Variants in ATXN7L1 observed in about 807,000 individuals in gnomAD.
The protein encoded by ATXN7L1 is ataxin-7-like protein 1.
ATXN7L1 carries 15 observed loss-of-function variants against 70.8 expected under a neutral mutation model. The observed-to-expected ratio is 0.21, with a 90% CI of 0.14 to 0.33. The LOEUF (loss-of-function observed/expected upper bound fraction) is 0.33, where lower values mean the gene tolerates loss of function less well. ATXN7L1 is among the 10% of genes least tolerant of loss of function. The pLI, the probability that ATXN7L1 is intolerant of heterozygous loss-of-function variation, is 1.00. For synonymous variants in ATXN7L1, 440 were observed against 445.1 expected (o/e 0.99, Z 0.14); for missense variants, 975 against 1,097.1 (o/e 0.89, Z 1.57).
intron 3 of ATXN7L1, among the ~76,000 whole-genome samples, chr7:105,727,887 C>G (rs1279086096): frequency 1.3e-5 from 2 of 149,508 alleles, no homozygotes; most frequent in East Asian, 3.9e-4. Flanking sequence ...AATGTTTGGA[C>G]AGACACATCC....
chr7:105,805,852 TG>T (rs1027109619), intron 2 of ATXN7L1, among the ~76,000 whole-genome samples: 10 of 151,816 alleles, frequency 6.6e-5, no homozygotes, highest in South Asian at 2.1e-4. Context: ...ATGAGGATGC[TG>T]GGGGGAAGGG....
intron 2 of ATXN7L1, among the ~76,000 whole-genome samples, chr7:105,854,655 G>A (rs78235447): frequency 0.027 from 4,174 of 152,062 alleles, 195 homozygotes; most frequent in African/African-American, 0.093. Context: ...TCTTAGTGAG[G>A]CTCCCCCTCC....
chr7:105,616,803 A>AG (rs1252350510), intron 9 of ATXN7L1, among the ~76,000 whole-genome samples: 1 of 152,180 alleles, frequency 6.6e-6, no homozygotes, highest in Non-Finnish European at 1.5e-5. Flanking sequence ...CATTTCTTAG[A>AG]GGGGGAGGAA....
In ATXN7L1 at chr7:105,607,273, C is replaced by T. The variant is rs1224979883; in HGVS notation, c.*579G>A. 6.5e-6 allele frequency: 1 copy of T among 153,152 alleles called. No homozygotes were observed. The highest frequency in any genetic ancestry group is 1.5e-5 in the Non-Finnish European group (1 of 68,820). The allele number at this position is 153,152 out of a possible 1,614,324, so 9.5% of individuals were successfully genotyped here. On this transcript the variant is annotated 3_prime_UTR_variant, in exon 12 of 12. Coordinates refer to ENST00000419735, the MANE Select transcript of ATXN7L1 (RefSeq NM_020725.2). ...GCTGTGGAAACTGGATGAGGGAACC[C>T]CACCCACCCTCCAACTCTCCACTCC...
Position 105,607,489 on chromosome 7 carries a change from C to T in ATXN7L1, c.*363G>A, listed in dbSNP as rs1304070732. The T allele has an allele frequency of 7.8e-6, 2 of 255,894 alleles. No individual in the cohort carries two copies. The highest frequency in any genetic ancestry group is 7.5e-6 in the Non-Finnish European group (1 of 132,788). The allele number at this position is 255,894 out of a possible 1,614,324, so 15.9% of individuals were successfully genotyped here. A position where few individuals can be genotyped will look rare whatever the true frequency, so the allele number is the denominator to read the frequency against. ...GTTCAAGAGCTTCAGAGCATGCCAA[C>T]CTGGAACCAACATTCTGCAATGTCT... On this transcript the variant is annotated 3_prime_UTR_variant, in exon 12 of 12. Coordinates refer to ENST00000419735, the MANE Select transcript of ATXN7L1 (RefSeq NM_020725.2).
intron 3 of ATXN7L1, among the ~76,000 whole-genome samples, chr7:105,671,281 C>CAAA (rs34689804): frequency 3.1e-5 from 4 of 129,890 alleles, no homozygotes; most frequent in African/African-American, 5.7e-5. Flanking sequence ...GACTCCGTCT[C>CAAA]AAAAAAAAAA....
chr7:105,771,394 T>C (rs897758518), intron 3 of ATXN7L1, among the ~76,000 whole-genome samples: 3 of 152,040 alleles, frequency 2.0e-5, no homozygotes, highest in Non-Finnish European at 4.4e-5. Context: ...TTATGACAAA[T>C]GACAAATCTG....
At chr7:105,628,480 C>T (rs572353843) in intron 7 of ATXN7L1, among the ~76,000 whole-genome samples, 2 of 151,994 alleles carry the variant, frequency 1.3e-5, no homozygotes, top group Non-Finnish European at 2.9e-5. Flanking sequence ...TAACATCTTA[C>T]ACTTATAATA....
chr7:105,746,191 G>C (rs945685870), intron 3 of ATXN7L1, among the ~76,000 whole-genome samples: 3 of 152,160 alleles, frequency 2.0e-5, no homozygotes, highest in South Asian at 4.1e-4. Context: ...TGCTCGGCTG[G>C]ACTTTTACAA....
intron 2 of ATXN7L1, among the ~76,000 whole-genome samples, chr7:105,842,270 G>A (rs1428210070): frequency 2.0e-5 from 3 of 151,420 alleles, no homozygotes; most frequent in Admixed American, 6.6e-5. Context: ...ACATTGCAAA[G>A]TGTACAATTC....
intron 2 of ATXN7L1, among the ~76,000 whole-genome samples, chr7:105,846,153 A>G (rs946961611): frequency 1.3e-5 from 2 of 152,188 alleles, no homozygotes; most frequent in Admixed American, 1.3e-4. Context: ...ATCTGATAAG[A>G]AATATATAAT....
intron 2 of ATXN7L1, among the ~76,000 whole-genome samples, chr7:105,795,713 T>C (rs1805889644): frequency 6.6e-6 from 1 of 152,172 alleles, no homozygotes; most frequent in South Asian, 2.1e-4. Context: ...TCGGACAGCC[T>C]ATTGGCAATC....
chr7:105,797,904 A>G (rs1392186659), intron 2 of ATXN7L1, among the ~76,000 whole-genome samples: 2 of 152,244 alleles, frequency 1.3e-5, no homozygotes, highest in African/African-American at 2.4e-5. Context: ...CTATCTCCAT[A>G]GTCAAACAGT....
At chr7:105,647,365 C>T (rs561793475) in intron 4 of ATXN7L1, among the ~76,000 whole-genome samples, 62 of 152,242 alleles carry the variant, frequency 4.1e-4, no homozygotes, top group African/African-American at 1.3e-3. Context: ...TTTAAAAAAC[C>T]GGCTGGGTAC....
intron 3 of ATXN7L1, among the ~76,000 whole-genome samples, chr7:105,674,918 A>C (rs1162294747): frequency 6.6e-6 from 1 of 151,118 alleles, no homozygotes; most frequent in African/African-American, 2.4e-5. Flanking sequence ...ACTAGCTAAA[A>C]GGAAAAACTA....
intron 3 of ATXN7L1, among the ~76,000 whole-genome samples, chr7:105,779,944 A>C (rs1257009427): frequency 2.0e-5 from 3 of 152,262 alleles, no homozygotes; most frequent in African/African-American, 7.2e-5. Context: ...ATTTAATGTC[A>C]GCAAACAAAT....
At chr7:105,734,209 C>T (rs915107205) in intron 3 of ATXN7L1, among the ~76,000 whole-genome samples, 2 of 152,168 alleles carry the variant, frequency 1.3e-5, no homozygotes, top group Non-Finnish European at 2.9e-5. Flanking sequence ...ATGCTGGGAA[C>T]GTCCAATGAG....
chr7:105,649,692 G>T, intron 4 of ATXN7L1: 1 of 594,344 alleles, frequency 1.7e-6, no homozygotes, highest in Non-Finnish European at 2.1e-6. Flanking sequence ...ATTATCAACA[G>T]AAATGCCTTA....
intron 7 of ATXN7L1, among the ~76,000 whole-genome samples, chr7:105,632,556 C>A (rs1264500047): frequency 6.6e-6 from 1 of 151,782 alleles, no homozygotes; most frequent in Non-Finnish European, 1.5e-5. Context: ...GGAAAACATC[C>A]CAGAAGAGGA....
Sources: gnomAD v4.1 joint callset for allele counts (sites outside exome capture counted in the v4.1 genomes callset) on GRCh38, gnomAD v4.1.1 for gene constraint, MANE v1.5 for transcripts, NCBI Gene and HGNC (gene_info 2026-07-23, HGNC 2026-07-21) for gene names.